Variants in TMC1 observed in about 807,000 individuals in gnomAD.
The protein encoded by TMC1 is transmembrane channel like 1.
In TMC1, 84 loss-of-function variants were observed where a neutral mutation model predicts 105.8. The observed-to-expected ratio is 0.79, with a 90% CI of 0.67 to 0.95. The LOEUF (loss-of-function observed/expected upper bound fraction) is 0.95. TMC1 is among the 40% of genes least tolerant of loss of function. TMC1 has a pLI of 0.00. For missense variants in TMC1, 817 were observed against 914.1 expected (o/e 0.89, Z 1.37); for synonymous variants, 315 against 311.5 (o/e 1.01, Z -0.12).
intron 17 of TMC1, among the ~76,000 whole-genome samples, chr9:72,803,056 T>C (rs982269790): frequency 2.0e-5 from 3 of 151,932 alleles, no homozygotes; most frequent in Non-Finnish European, 4.4e-5. Context: ...TGGAACAGAA[T>C]AGGGAACACA....
intron 4 of TMC1, among the ~76,000 whole-genome samples, chr9:72,636,033 T>C (rs1010698787): frequency 2.6e-5 from 4 of 152,134 alleles, no homozygotes; most frequent in Admixed American, 6.5e-5. Context: ...CAGAATGGGA[T>C]TGAAGTGATC....
chr9:72,537,838 G>A (rs1458436221), intron 1 of TMC1, among the ~76,000 whole-genome samples: 3 of 152,176 alleles, frequency 2.0e-5, no homozygotes, highest in African/African-American at 7.2e-5. Flanking sequence ...TGCCTGAACA[G>A]TTGAAGTCAG....
At chr9:72,682,761 A>G (rs1826308138) in intron 5 of TMC1, among the ~76,000 whole-genome samples, 1 of 152,224 alleles carries the variant, frequency 6.6e-6, no homozygotes, top group South Asian at 2.1e-4. Flanking sequence ...TTGCACTGCT[A>G]TAAAGAACTA....
At chr9:72,656,797 G>A (rs1023727889) in intron 5 of TMC1, among the ~76,000 whole-genome samples, 2 of 152,040 alleles carry the variant, frequency 1.3e-5, no homozygotes, top group Non-Finnish European at 2.9e-5. Context: ...TCCCCCCTCC[G>A]GGATGCAGAT....
rs188332679 is a variant in TMC1 at position 72,541,513 on chromosome 9, C to T, written c.-428+19600C>T. 1.8e-4 allele frequency among the ~76,000 whole-genome samples: 28 copies of T among 152,116 alleles called. No individual in the cohort carries two copies. The East Asian group carries it at 5.2e-3, about 28-fold the overall frequency. On this transcript the variant is annotated intron_variant, in intron 1 of 23. Coordinates refer to ENST00000297784, the MANE Select transcript of TMC1 (RefSeq NM_138691.3). ...GACCAGCCTGACAAATATGATGAAACCCCGTCTGTACTAAAAATACAAAAA... is the reference window on the plus strand; with the variant it reads ...GACCAGCCTGACAAATATGATGAAATCCCGTCTGTACTAAAAATACAAAAA...
At chr9:72,597,515 C>T (rs187107535) in intron 2 of TMC1, among the ~76,000 whole-genome samples, 22 of 152,252 alleles carry the variant, frequency 1.4e-4, no homozygotes, top group South Asian at 2.1e-4. Context: ...CCTAGCTACC[C>T]GCATGTCAGC....
chr9:72,700,220 C>T (rs1588038365), intron 7 of TMC1, among the ~76,000 whole-genome samples: 1 of 147,500 alleles, frequency 6.8e-6, no homozygotes, highest in East Asian at 2.0e-4. Context: ...CATTGCACTA[C>T]AGCCTGGGTG....
At chr9:72,803,969 C>T (rs1828524172) in intron 17 of TMC1, among the ~76,000 whole-genome samples, 1 of 152,162 alleles carries the variant, frequency 6.6e-6, no homozygotes, top group Non-Finnish European at 1.5e-5. Flanking sequence ...ATAGCAGAGA[C>T]ATGGAATCAA....
chr9:72,777,974 A>G (rs948551523), intron 13 of TMC1, among the ~76,000 whole-genome samples: 1 of 152,186 alleles, frequency 6.6e-6, no homozygotes, highest in African/African-American at 2.4e-5. Context: ...TATTTGTGGA[A>G]CACCTAGAAT....
chr9:72,724,768 A>G lies in TMC1; in HGVS notation c.363-15351A>G, dbSNP rs899262077. ...GCTTGCCAGGGCATCCTGTCCCCTA[A>G]CAGTTTTTGATAATGATTTATCAAA... is the stretch of plus-strand genomic sequence containing the variant. On this transcript the variant is annotated intron_variant, in intron 8 of 23. Coordinates refer to ENST00000297784, the MANE Select transcript of TMC1 (RefSeq NM_138691.3). Among the ~76,000 whole-genome samples, 7 of 152,278 alleles carry G rather than the reference A, an allele frequency of 4.6e-5. No homozygotes were observed. The East Asian group carries it at 1.4e-3, about 29-fold the overall frequency.
chr9:72,803,325 A>G (rs552310880), intron 17 of TMC1, among the ~76,000 whole-genome samples: 2 of 152,336 alleles, frequency 1.3e-5, no homozygotes, highest in Non-Finnish European at 2.9e-5. Flanking sequence ...GGCATGGGCA[A>G]AGATTTCAAG....
chr9:72,588,348 A>G (rs1824585861), intron 2 of TMC1, among the ~76,000 whole-genome samples: 1 of 152,176 alleles, frequency 6.6e-6, no homozygotes, highest in African/African-American at 2.4e-5. Context: ...GCTCCTCTCT[A>G]TACCATGGGG....
chr9:72,700,481 T>G, intron 7 of TMC1, 37 bp from the exon 8 acceptor site: 1 of 1,534,266 alleles, frequency 6.5e-7, no homozygotes, highest in South Asian at 1.2e-5. Context: ...CAAGCAAAGC[T>G]TAACTTTATT....
rs191347885 is a variant in TMC1 at position 72,548,031 on chromosome 9, C to T, written c.-428+26118C>T. Among the ~76,000 whole-genome samples, 74 of 152,210 alleles carry T rather than the reference C, an allele frequency of 4.9e-4. No homozygotes were observed. The East Asian group carries it at 5.2e-3, about 11-fold the overall frequency. On this transcript the variant is annotated intron_variant, in intron 1 of 23. Transcript: ENST00000297784. ...GTCTGTTCTTAGAAGAACATTAATC[C>T]TATTTATGAGCACTCTACCTTCGCA...
At chr9:72,583,156 A>G (rs1824500030) in intron 2 of TMC1, among the ~76,000 whole-genome samples, 1 of 151,960 alleles carries the variant, frequency 6.6e-6, no homozygotes, top group African/African-American at 2.4e-5. Flanking sequence ...TGGGAGGCGG[A>G]GGTTGCAATG....
chr9:72,608,444 C>T (rs941400035), intron 2 of TMC1, among the ~76,000 whole-genome samples: 1 of 152,094 alleles, frequency 6.6e-6, no homozygotes, highest in Non-Finnish European at 1.5e-5. Flanking sequence ...TGGTGGCCCA[C>T]GCCTGTAATC....
chr9:72,788,615 G>A (rs970663324), intron 14 of TMC1, 132 bp downstream of exon 14: 1 of 1,012,704 alleles, frequency 9.9e-7, no homozygotes, highest in East Asian at 2.6e-5. Flanking sequence ...TGCCTACCAA[G>A]ATCTTGCCAT....
At chr9:72,824,143 G>T (rs758908785) in intron 20 of TMC1, among the ~76,000 whole-genome samples, 12 of 152,256 alleles carry the variant, frequency 7.9e-5, no homozygotes, top group Non-Finnish European at 1.2e-4. Context: ...ACAGGAGCAA[G>T]CTCCATGTGG....
chr9:72,540,387 A>G (rs536647386), intron 1 of TMC1, among the ~76,000 whole-genome samples: 1 of 152,272 alleles, frequency 6.6e-6, no homozygotes, highest in Admixed American at 6.5e-5. Flanking sequence ...GACTTCCCTA[A>G]GGTACAATGG....
Sources: gnomAD v4.1 joint callset for allele counts (sites outside exome capture counted in the v4.1 genomes callset) on GRCh38, gnomAD v4.1.1 for gene constraint, MANE v1.5 for transcripts, NCBI Gene and HGNC (gene_info 2026-07-23, HGNC 2026-07-21) for gene names.